The following LRRC53 variants were observed in gnomAD, a reference collection of about 807,000 sequenced individuals.
The protein encoded by LRRC53 is leucine rich repeat containing 53.
A neutral mutation model predicts 13.6 loss-of-function variants in LRRC53; 25 were observed. That is an observed-to-expected ratio of 1.83 (90% CI 1.34 to 2.56). LRRC53 has a LOEUF of 2.56. LRRC53 is among the 30% of genes most tolerant of loss of function. The probability of loss-of-function intolerance (pLI) is 0.00; values close to 1 mark genes in which losing one functional copy is unlikely to be tolerated. For synonymous variants in LRRC53, 204 were observed against 109.8 expected, an observed-to-expected ratio of 1.86 and a Z score of -5.37; for missense variants, 527 against 275.8, an observed-to-expected ratio of 1.91 and a Z score of -6.45.
intron 1 of LRRC53, among the ~76,000 whole-genome samples, chr1:74,505,175 A>C (rs546494839): frequency 2.0e-5 from 3 of 152,312 alleles, no homozygotes; most frequent in Middle Eastern, 3.4e-3. Context: ...GTGTGTGTAC[A>C]ACTGAAAGTA....
intron 3 of LRRC53, 72 bp from the exon 4 acceptor site, chr1:74,475,882 C>T (rs2100749084): frequency 1.9e-6 from 1 of 534,778 alleles, no homozygotes; most frequent in East Asian, 2.9e-5. Context: ...AATGTAAAAA[C>T]CACAAATATA....
chr1:74,515,987 A>AATGG (rs1646342706), upstream of LRRC53, among the ~76,000 whole-genome samples: 1 of 152,140 alleles, frequency 6.6e-6, no homozygotes, highest in African/African-American at 2.4e-5. Flanking sequence ...AGAAAATGTA[A>AATGG]ATGGAGAGAG....
At chr1:74,488,380 C>T (rs1668874791) in intron 1 of LRRC53, among the ~76,000 whole-genome samples, 1 of 152,120 alleles carries the variant, frequency 6.6e-6, no homozygotes, top group African/African-American at 2.4e-5. Flanking sequence ...AATTGTTCTA[C>T]TAAGAATCTA....
intron 1 of LRRC53, among the ~76,000 whole-genome samples, chr1:74,491,526 C>CTGTA (rs1669075441): frequency 6.6e-6 from 1 of 152,130 alleles, no homozygotes; most frequent in South Asian, 2.1e-4. Flanking sequence ...AGGTGTGAGC[C>CTGTA]ACCACACCCA....
At chr1:74,504,763 C>T (rs546531599) in intron 1 of LRRC53, among the ~76,000 whole-genome samples, 1 of 152,148 alleles carries the variant, frequency 6.6e-6, no homozygotes, top group Non-Finnish European at 1.5e-5. Flanking sequence ...CAGCTCTCAC[C>T]GTGGCTATTC....
At chr1:74,509,817 A>G (rs1246723107) in intron 1 of LRRC53, among the ~76,000 whole-genome samples, 1 of 110,660 alleles carries the variant, frequency 9.0e-6, no homozygotes, top group Non-Finnish European at 1.7e-5. Context: ...CAGTTGTGCG[A>G]TTATGGCTCA....
chr1:74,504,885 C>A (rs1306695895), intron 1 of LRRC53, among the ~76,000 whole-genome samples: 1 of 152,154 alleles, frequency 6.6e-6, no homozygotes, highest in Non-Finnish European at 1.5e-5. Flanking sequence ...CCTCTTCAAG[C>A]GTTTTGTAAT....
intron 1 of LRRC53, chr1:74,489,061 A>AT: frequency 2.8e-6 from 2 of 709,078 alleles, no homozygotes; most frequent in East Asian, 6.0e-5. Context: ...ATAAAAGTGT[A>AT]TTTTAAATAA....
Position 74,480,679 on chromosome 1 carries a change from C to T in LRRC53, c.378G>A (p.Trp126Ter). ...NNALRTLRGS[W>*]FRNTSGLTRL... ...GGGTCAGGCCGCTTGTGTTTCGGAA[C>T]CAAGACCCTCGTAGGGTGCGGAGAG... The change falls in exon 3 of 5, where the codon TGG becomes TGA. Residue 126 changes from tryptophan (W) to a stop codon, truncating the protein, a stop_gained. Coordinates refer to ENST00000294635, the MANE Select transcript of LRRC53 (RefSeq NM_001382280.1). LOFTEE classifies it high-confidence loss of function. The T allele has an allele frequency of 1.4e-6, 1 of 717,360 alleles. No homozygotes were observed. Among genetic ancestry groups the T allele is most frequent in the Non-Finnish European group, 2.6e-6 (1 of 385,100 alleles). The allele number at this position is 717,360 out of a possible 1,614,324, so 44.4% of individuals were successfully genotyped here. A position where few individuals can be genotyped will look rare whatever the true frequency, so the allele number is the denominator to read the frequency against.
At chr1:74,476,160 A>C (rs1040816384) in intron 3 of LRRC53, among the ~76,000 whole-genome samples, 9 of 152,166 alleles carry the variant, frequency 5.9e-5, no homozygotes, top group Admixed American at 5.2e-4. Context: ...ATGAACTCTC[A>C]TAATAGAGTG....
chr1:74,475,188 T>C (rs1348790038), intron 4 of LRRC53, 107 bp downstream of exon 4: 2 of 592,588 alleles, frequency 3.4e-6, no homozygotes, highest in African/African-American at 1.9e-5. Flanking sequence ...AGACTAGTGC[T>C]ATAGTGATTT....
At chr1:74,515,043 C>A (rs572918178), upstream of LRRC53, among the ~76,000 whole-genome samples, 1 of 152,168 alleles carries the variant, frequency 6.6e-6, no homozygotes, top group South Asian at 2.1e-4. Context: ...GGATCGTAGC[C>A]CTCACCAGAA....
At chr1:74,503,729 C>G (rs1440312642) in intron 1 of LRRC53, among the ~76,000 whole-genome samples, 1 of 152,180 alleles carries the variant, frequency 6.6e-6, no homozygotes, top group Non-Finnish European at 1.5e-5. Flanking sequence ...GCAAGTGCCA[C>G]GATGCCTATC....
chr1:74,518,832 A>C, the LRRC53 span, among the ~76,000 whole-genome samples: 1 of 147,138 alleles, frequency 6.8e-6, no homozygotes, highest in African/African-American at 2.6e-5. Context: ...TTTAAAACAA[A>C]TTACCTTACT....
chr1:74,516,937 C>T (rs994696016), upstream of LRRC53, among the ~76,000 whole-genome samples: 2 of 152,126 alleles, frequency 1.3e-5, no homozygotes, highest in Non-Finnish European at 2.9e-5. Context: ...TCTCCAGCAA[C>T]CTCTCTACAG....
the LRRC53 span, among the ~76,000 whole-genome samples, chr1:74,534,528 G>A: frequency 6.6e-6 from 1 of 152,062 alleles, no homozygotes; most frequent in East Asian, 1.9e-4. Flanking sequence ...GCTCTAAATG[G>A]GGCCATTTGG....
Position 74,488,634 on chromosome 1 carries a change from G to T in LRRC53, c.-26-5259C>A, listed in dbSNP as rs45441298. Among the ~76,000 whole-genome samples, 181 of 152,164 alleles carry T rather than the reference G, an allele frequency of 1.2e-3. 1 individual carries two copies. Among genetic ancestry groups the T allele is most frequent in the African/African-American group, 3.9e-3 (161 of 41,514 alleles). On this transcript the variant is annotated intron_variant, in intron 1 of 4. Coordinates refer to ENST00000294635, the MANE Select transcript of LRRC53 (RefSeq NM_001382280.1). ...AATAAACTTTTTTTTAACCAAACTC[G>T]TCTGACACAGAGGTTCATAATGGGC...
intron 1 of LRRC53, among the ~76,000 whole-genome samples, chr1:74,506,093 G>A (rs1669883634): frequency 6.6e-6 from 1 of 152,096 alleles, no homozygotes; most frequent in Admixed American, 6.5e-5. Context: ...GGGTCCTAGG[G>A]GGATATGATG....
At chr1:74,483,421 A>T (rs1368955009) in intron 1 of LRRC53, 46 bp from the exon 2 acceptor site, 1 of 705,154 alleles carries the variant, frequency 1.4e-6, no homozygotes, top group Non-Finnish European at 2.6e-6. Context: ...GTTGGCATTC[A>T]CTGTCCATTA....
Sources: allele counts gnomAD v4.1 joint callset (sites outside exome capture counted in the v4.1 genomes callset), GRCh38; gene constraint gnomAD v4.1.1; transcripts MANE v1.5; gene names NCBI Gene and HGNC (gene_info 2026-07-23, HGNC 2026-07-21).